PDPR: variants seen among roughly 807,000 people sequenced by gnomAD.
PDPR encodes pyruvate dehydrogenase phosphatase regulatory subunit.
In PDPR, 50 loss-of-function variants were observed where a neutral mutation model predicts 102.2. The ratio of observed to expected loss-of-function variants is 0.49; its 90% CI spans 0.39 to 0.62. The LOEUF (loss-of-function observed/expected upper bound fraction) is 0.62, where lower values mean the gene tolerates loss of function less well. Ranked by LOEUF, PDPR falls within the 20% of genes least tolerant of loss-of-function variation. The pLI, the probability that PDPR is intolerant of heterozygous loss-of-function variation, is 0.00. For missense variants in PDPR, 625 were observed against 1,098.2 expected (o/e 0.57, Z 6.09); for synonymous variants, 259 against 406.0 (o/e 0.64, Z 4.35).
rs544436680 is a variant in PDPR, at chr16:70,129,909, G to A, written c.608-514G>A. Among the ~76,000 whole-genome samples, 54 of 152,388 alleles carry A rather than the reference G, an allele frequency of 3.5e-4. 1 individual carries two copies. Among genetic ancestry groups the A allele is most frequent in the African/African-American group, 1.2e-3 (51 of 41,584 alleles). ...ATTTAATTATTGTGTTCCAAAGTCT[G>A]TTTTTAAACTGAGTTGCTATTTTCA... On this transcript the variant is annotated intron_variant, in intron 6 of 18. Transcript: ENST00000288050.
chr16:70,116,920 T>G (rs540860811), intron 2 of PDPR, among the ~76,000 whole-genome samples: 12 of 152,038 alleles, frequency 7.9e-5, no homozygotes, highest in South Asian at 4.1e-4. Flanking sequence ...TCCCTTTCTC[T>G]GTTAGGGGAA....
chr16:70,138,207 A>ATTTTTTTTTTTTTTTTTTTTTTTTT (rs1201065640), intron 10 of PDPR, among the ~76,000 whole-genome samples: 1 of 94,048 alleles, frequency 1.1e-5, no homozygotes, highest in Non-Finnish European at 2.0e-5. Flanking sequence ...ACGCCGGCTA[A>ATTTTTTTTTTTTTTTTTTTTTTTTT]TTTTTTTTTT....
chr16:70,122,227 T>G (rs1963389653), intron 3 of PDPR, among the ~76,000 whole-genome samples: 2 of 152,254 alleles, frequency 1.3e-5, no homozygotes, highest in Admixed American at 1.3e-4. Context: ...CCTCCAGTGA[T>G]CTACCCACCT....
At chr16:70,151,499 T>C (rs1966738105) in intron 17 of PDPR, among the ~76,000 whole-genome samples, 1 of 152,294 alleles carries the variant, frequency 6.6e-6, no homozygotes, top group African/African-American at 2.4e-5. Context: ...ATGAAGAGAT[T>C]GTTCAAGACT....
At chr16:70,132,470 G>C (rs1452210266) in intron 9 of PDPR, among the ~76,000 whole-genome samples, 170 bp downstream of exon 9, 2 of 152,274 alleles carry the variant, frequency 1.3e-5, no homozygotes, top group African/African-American at 2.4e-5. Context: ...TTACTAGGTA[G>C]CAGATTCAGG....
intron 4 of PDPR, 113 bp from the exon 5 acceptor site, chr16:70,128,671 G>C (rs1172083198): frequency 1.3e-6 from 2 of 1,571,352 alleles, no homozygotes; most frequent in Non-Finnish European, 1.7e-6. Flanking sequence ...AGGATATTGA[G>C]TGGCAGTCCC....
chr16:70,128,494 C>G (rs1420770319), intron 4 of PDPR, among the ~76,000 whole-genome samples: 4 of 152,254 alleles, frequency 2.6e-5, no homozygotes, highest in Non-Finnish European at 5.9e-5. Context: ...TCCCAAAGTG[C>G]TGCGATTACA....
At position 70,161,998 on chromosome 16, in the gene PDPR, C is replaced by T. The variant is rs1967833242; in HGVS notation, c.*5119C>T. On this transcript the variant is annotated 3_prime_UTR_variant, in exon 19 of 19. Transcript: ENST00000288050. ...GCACACCAAGAACTGGAGCTTAGAG[C>T]CCCACTATTCTCTAAGCCAGGTTCT... 6.6e-6 allele frequency: 1 copy of T among 152,366 alleles called. No individual in the cohort carries two copies. Among genetic ancestry groups the T allele is most frequent in the African/African-American group, 2.4e-5 (1 of 41,472 alleles). 9.4% of individuals were successfully genotyped at this position (152,366 alleles called of 1,614,324 possible). A position where few individuals can be genotyped will look rare whatever the true frequency, so the allele number is the denominator to read the frequency against.
chr16:70,154,442 C>A (rs2152120748), intron 18 of PDPR, among the ~76,000 whole-genome samples: 1 of 152,390 alleles, frequency 6.6e-6, no homozygotes, highest in South Asian at 2.1e-4. Context: ...TCAGCCTGGG[C>A]AATACAGCAA....
In PDPR at chr16:70,143,372, T is replaced by C. The variant is rs1357421283; in HGVS notation, c.1606-138T>C. 6.9e-6 allele frequency: 7 copies of C among 1,018,966 alleles called. No homozygotes were observed. In the African/African-American group the frequency reaches 1.2e-4, roughly 17 times the overall value. 63.1% of individuals were successfully genotyped at this position (1,018,966 alleles called of 1,614,324 possible). ...TAGCGTTCCCTGGAGCTTCTTGCAG[T>C]GGAGTAGGTCTGCAAATGTTGTCAC... On this transcript the variant is annotated intron_variant, in intron 13 of 18. Coordinates refer to ENST00000288050, the MANE Select transcript of PDPR (RefSeq NM_017990.5).
In PDPR at chr16:70,150,378, A is replaced by G. The variant is rs149215616; in HGVS notation, c.2052+1825A>G. Reference sequence around the variant, plus strand: ...CTCGGCCTCCCAAAGTGCTGGAATTACAGGCGTGAGCCACCGCACCCGGGC... The same window carrying G: ...CTCGGCCTCCCAAAGTGCTGGAATTGCAGGCGTGAGCCACCGCACCCGGGC... On this transcript the variant is annotated intron_variant, in intron 17 of 18. Coordinates refer to ENST00000288050, the MANE Select transcript of PDPR (RefSeq NM_017990.5). Among the ~76,000 whole-genome samples the G allele has an allele frequency of 2.0e-4, 30 of 150,998 alleles. No homozygotes were observed. The East Asian group carries it at 4.9e-3, about 25-fold the overall frequency.
In PDPR at chr16:70,159,764, T is replaced by G. The variant is rs1967607040; in HGVS notation, c.*2885T>G. The G allele has an allele frequency of 6.6e-6, 1 of 152,660 alleles. No individual in the cohort carries two copies. Among genetic ancestry groups the G allele is most frequent in the Non-Finnish European group, 1.5e-5 (1 of 68,350 alleles). 9.5% of individuals were successfully genotyped at this position (152,660 alleles called of 1,614,324 possible). ...TCCTGAGAGGCAGTGGCCTCTTGAG[T>G]GAACAGGGGAGGCCAGTAGATGCCC... On this transcript the variant is annotated 3_prime_UTR_variant, in exon 19 of 19. Transcript: ENST00000288050.
chr16:70,127,239 C>T, intron 3 of PDPR, 21 bp from the exon 4 acceptor site: 2 of 1,576,964 alleles, frequency 1.3e-6, no homozygotes, highest in Non-Finnish European at 1.7e-6. Flanking sequence ...TACCTAATAG[C>T]ATTTTGCATC....
In PDPR at chr16:70,153,473, G is replaced by A; in HGVS notation, c.2135G>A (p.Ser712Asn). Residue 712 changes from serine to asparagine, a missense_variant, in exon 18 of 19, where the codon AGT becomes AAT. By Grantham distance (46) the Ser-to-Asn change is conservative. Coordinates refer to ENST00000288050, the MANE Select transcript of PDPR (RefSeq NM_017990.5). The part of the protein sequence containing the change: ...IRNAGYYALR[S>N]LRIEKFFAFW... The stretch of plus-strand genomic sequence containing the variant: ...AATGCTGGGTATTACGCTCTTCGCA[G>A]TCTCCGAATTGAGAAGTTTTTTGCC... The A allele has an allele frequency of 1.2e-6, 2 of 1,613,662 alleles. No individual in the cohort carries two copies. Among genetic ancestry groups the A allele is most frequent in the East Asian group, 2.2e-5 (1 of 44,884 alleles).
chr16:70,123,291 C>T (rs1303107593), intron 3 of PDPR, among the ~76,000 whole-genome samples: 2 of 152,270 alleles, frequency 1.3e-5, no homozygotes, highest in East Asian at 3.8e-4. Context: ...GGCTGGAGTG[C>T]AGTGGTTCAA....
intron 3 of PDPR, among the ~76,000 whole-genome samples, chr16:70,124,012 ACCATTGCACCCCAG>A (rs1305331765): frequency 2.0e-4 from 31 of 151,832 alleles, no homozygotes; most frequent in African/African-American, 7.5e-4. Context: ...CCAAGATCGC[ACCATTGCACCCCAG>A]CCTGGGCGAC....
intron 17 of PDPR, among the ~76,000 whole-genome samples, chr16:70,150,395 C>A (rs373022925): frequency 0.12 from 16,003 of 128,670 alleles, no homozygotes; most frequent in Non-Finnish European, 0.18. Context: ...TGAGCCACCG[C>A]ACCCGGGCCC....
chr16:70,125,931 G>A (rs183124049), intron 3 of PDPR, among the ~76,000 whole-genome samples: 1 of 152,258 alleles, frequency 6.6e-6, no homozygotes, highest in African/African-American at 2.4e-5. Flanking sequence ...ACTGCACCCA[G>A]CCCTCAATCT....
Position 70,162,461 on chromosome 16 carries a change from C to T in PDPR, c.*5582C>T, listed in dbSNP as rs1024206178. On this transcript the variant is annotated 3_prime_UTR_variant, in exon 19 of 19. Coordinates refer to ENST00000288050, the MANE Select transcript of PDPR (RefSeq NM_017990.5). Reference sequence around the variant, plus strand: ...CACTAACACTGTGCACTGTCTCCACCAAGCAAGGTTTCCACTGAGTTTCTT... The same window carrying T: ...CACTAACACTGTGCACTGTCTCCACTAAGCAAGGTTTCCACTGAGTTTCTT... The T allele has an allele frequency of 3.9e-5, 6 of 152,442 alleles. No individual in the cohort carries two copies. Among genetic ancestry groups the T allele is most frequent in the African/African-American group, 1.2e-4 (5 of 41,480 alleles). The allele number at this position is 152,442 out of a possible 1,614,324, so 9.4% of individuals were successfully genotyped here. A position where few individuals can be genotyped will look rare whatever the true frequency, so the allele number is the denominator to read the frequency against.
Sources: gnomAD v4.1 joint callset for allele counts (sites outside exome capture counted in the v4.1 genomes callset) on GRCh38, gnomAD v4.1.1 for gene constraint, MANE v1.5 for transcripts, NCBI Gene and HGNC (gene_info 2026-07-23, HGNC 2026-07-21) for gene names.